The following SLC35B3 variants were observed in gnomAD, a reference collection of about 807,000 sequenced individuals.
The protein encoded by SLC35B3 is solute carrier family 35 member B3.
Under a neutral mutation model 44.1 loss-of-function variants are expected in SLC35B3, and 35 were observed. The observed-to-expected ratio is 0.79, with a 90% CI of 0.61 to 1.05. SLC35B3 has a LOEUF of 1.05. Ranked by LOEUF, SLC35B3 falls within the 50% of genes least tolerant of loss-of-function variation. The probability of loss-of-function intolerance (pLI) is 0.00; values close to 1 mark genes in which losing one functional copy is unlikely to be tolerated. For missense variants in SLC35B3, 414 were observed against 476.4 expected, an observed-to-expected ratio of 0.87 and a Z score of 1.22; for synonymous variants, 146 against 167.3, an observed-to-expected ratio of 0.87 and a Z score of 0.98.
chr6:8,414,929 A>C lies in SLC35B3; in HGVS notation c.1034T>G (p.Phe345Cys). Residue 345 changes from phenylalanine to cysteine, a missense_variant, in exon 10 of 11, where the codon TTT becomes TGT. Transcript: ENST00000644923. ...TTACTGAAACGTGAATGGTTTAGCA[A>C]AGAATATAAACGAAAGTACAATGGT... 6.2e-7 allele frequency: 1 copy of C among 1,605,252 alleles called. No homozygotes were observed. Among genetic ancestry groups the C allele is most frequent in the South Asian group, 1.1e-5 (1 of 89,908 alleles).
intron 5 of SLC35B3, among the ~76,000 whole-genome samples, chr6:8,421,216 A>G (rs1762861802): frequency 6.6e-6 from 1 of 152,212 alleles, no homozygotes; most frequent in Non-Finnish European, 1.5e-5. Flanking sequence ...AAGTAACCAG[A>G]TTAATGAGTC....
In SLC35B3 at chr6:8,413,421, A is replaced by C. The variant is rs1344958441; in HGVS notation, c.*128T>G. 2 of 780,220 alleles carry C rather than the reference A, an allele frequency of 2.6e-6. No homozygotes were observed. The highest frequency in any genetic ancestry group is 3.7e-5 in the African/African-American group (2 of 54,682). The allele number at this position is 780,220 out of a possible 1,614,324, so 48.3% of individuals were successfully genotyped here. A position where few individuals can be genotyped will look rare whatever the true frequency, so the allele number is the denominator to read the frequency against. On this transcript the variant is annotated 3_prime_UTR_variant, in exon 11 of 11. Coordinates refer to ENST00000644923, the MANE Select transcript of SLC35B3 (RefSeq NM_001370476.2). The stretch of plus-strand genomic sequence containing the variant: ...AAGGCTGACACCGCAAAACAACTTC[A>C]TATGAAATCTGTCCACAAATGGGAT...
At chr6:8,428,171 A>C (rs1486321924) in intron 3 of SLC35B3, 113 bp from the exon 3 acceptor site, 1 of 976,840 alleles carries the variant, frequency 1.0e-6, no homozygotes, top group African/African-American at 1.7e-5. Context: ...CTCCAACAAC[A>C]ACAAAATGTA....
chr6:8,423,023 T>C (rs904636458), intron 4 of SLC35B3, among the ~76,000 whole-genome samples: 6 of 152,166 alleles, frequency 3.9e-5, no homozygotes, highest in African/African-American at 1.2e-4. Context: ...GGTCTCGCTC[T>C]GTTGCCTAGG....
intron 9 of SLC35B3, 32 bp downstream of exon 8, chr6:8,416,852 T>C (rs1762454083): frequency 8.8e-7 from 1 of 1,142,220 alleles, no homozygotes; most frequent in Non-Finnish European, 1.3e-6. Flanking sequence ...TAAATGCTTA[T>C]TTTATAATCA....
rs766484022 is a variant in SLC35B3 at position 8,417,417 on chromosome 6, T to TA, written c.857dup (p.Thr287AsnfsTer33). The stretch of plus-strand genomic sequence containing the variant: ...TAGTGTTTACCTTTGCACAAAATGT[T>TA]ACTGCAGGGCCTAATCCACTAGTGC... On this transcript the variant is annotated frameshift_variant, in exon 8 of 11. Coordinates refer to ENST00000644923, the MANE Select transcript of SLC35B3 (RefSeq NM_001370476.2). LOFTEE classifies it high-confidence loss of function. 27 of 1,592,592 alleles carry TA rather than the reference T, an allele frequency of 1.7e-5. No homozygotes were observed. Among genetic ancestry groups the TA allele is most frequent in the Non-Finnish European group, 1.6e-5 (19 of 1,170,974 alleles).
Position 8,435,331 on chromosome 6 carries a change from A to G in SLC35B3, c.-44+12T>C. On this transcript the variant is annotated intron_variant, in intron 1 of 10. Coordinates refer to ENST00000644923, the MANE Select transcript of SLC35B3 (RefSeq NM_001370476.2). The surrounding 1 kb of genome is among the most constrained non-coding windows in gnomAD (Gnocchi z 5.5). ...GTCCCAAACACAGGAAAGGCCCCGAAGGCACGCGTACCCCAAGGCCGGTAT... is the reference window on the plus strand; with the variant it reads ...GTCCCAAACACAGGAAAGGCCCCGAGGGCACGCGTACCCCAAGGCCGGTAT... 7.8e-7 allele frequency: 1 copy of G among 1,289,276 alleles called. No individual in the cohort carries two copies. The highest frequency in any genetic ancestry group is 2.2e-4 in the Middle Eastern group (1 of 4,646). The allele number at this position is 1,289,276 out of a possible 1,614,324, so 79.9% of individuals were successfully genotyped here.
chr6:8,418,005 A>C (rs1006515795), intron 7 of SLC35B3, among the ~76,000 whole-genome samples: 1 of 152,106 alleles, frequency 6.6e-6, no homozygotes, highest in Non-Finnish European at 1.5e-5. Flanking sequence ...CAGCAAACCT[A>C]AATATCTGCT....
In SLC35B3 at chr6:8,427,993, G is replaced by A. The variant is rs1435063928; in HGVS notation, c.363C>T (p.Ala121=). 3 of 1,612,094 alleles carry A rather than the reference G, an allele frequency of 1.9e-6. No individual in the cohort carries two copies. In the East Asian group the frequency reaches 6.7e-5, roughly 36 times the overall value. ...CTATTAGGCCAAATATGGAGTAAAAGGCAAACTGCACTAAGGTAAGGTACC... is the reference window on the plus strand; with the variant it reads ...CTATTAGGCCAAATATGGAGTAAAAAGCAAACTGCACTAAGGTAAGGTACC... The change falls in exon 4 of 11, where the codon GCC becomes GCT. Residue 121 remains alanine (A), a synonymous_variant. Coordinates refer to ENST00000644923, the MANE Select transcript of SLC35B3 (RefSeq NM_001370476.2).
intron 4 of SLC35B3, among the ~76,000 whole-genome samples, chr6:8,426,505 T>C (rs1355604094): frequency 1.3e-5 from 2 of 152,086 alleles, no homozygotes; most frequent in African/African-American, 4.8e-5. Context: ...GATCTGATGG[T>C]TTTATCAGGG....
intron 4 of SLC35B3, among the ~76,000 whole-genome samples, chr6:8,427,261 A>G (rs141131538): frequency 6.6e-6 from 1 of 152,128 alleles, no homozygotes; most frequent in Admixed American, 6.5e-5. Context: ...CAATGGGGAA[A>G]ATGTCTCTAG....
intron 5 of SLC35B3, among the ~76,000 whole-genome samples, chr6:8,421,795 G>A (rs1284426282): frequency 1.3e-5 from 2 of 152,098 alleles, no homozygotes; most frequent in Admixed American, 1.3e-4. Flanking sequence ...GGAAGTGAAG[G>A]GTAGACCCCT....
intron 10 of SLC35B3, 70 bp downstream of exon 9, chr6:8,414,838 A>T: frequency 1.2e-6 from 1 of 801,630 alleles, no homozygotes; most frequent in Non-Finnish European, 1.9e-6. Flanking sequence ...AGTTGAAATT[A>T]AGATTAAGAG....
chr6:8,416,681 T>C (rs1762439625), intron 9 of SLC35B3, among the ~76,000 whole-genome samples: 1 of 152,154 alleles, frequency 6.6e-6, no homozygotes, highest in African/African-American at 2.4e-5. Flanking sequence ...GATTTTAAAA[T>C]TAAACCATCA....
rs769923765 is a variant in SLC35B3, at chr6:8,429,998, T to C, written c.163A>G (p.Met55Val). The C allele has an allele frequency of 6.8e-6, 11 of 1,613,866 alleles. No individual in the cohort carries two copies. The highest frequency in any genetic ancestry group is 6.7e-5 in the Admixed American group (4 of 59,956). ...TCAACTGACTTGATGTGTGGTGACA[T>C]TGTTTGGGTTTTGGATGGCACAGTG... is the stretch of plus-strand genomic sequence containing the variant. Residue 55 changes from methionine (M) to valine (V), a missense_variant, in exon 3 of 11, where the codon ATG becomes GTG. Coordinates refer to ENST00000644923, the MANE Select transcript of SLC35B3 (RefSeq NM_001370476.2).
At chr6:8,416,779 T>C (rs1762447426) in intron 9 of SLC35B3, 105 bp downstream of exon 8, 2 of 492,792 alleles carry the variant, frequency 4.1e-6, no homozygotes, top group South Asian at 9.7e-5. Context: ...AATATGATAA[T>C]TTTCTTTTTA....
At position 8,430,161 on chromosome 6, in the gene SLC35B3, G is replaced by A. The variant is rs771913817; in HGVS notation, c.4-4C>T. ...CTTTTGCTTGCTGTGTCAAGTCCTA[G>A]AGAAGGAAATAAGCAATTAAAACAT... is the stretch of plus-strand genomic sequence containing the variant. On this transcript the variant is annotated splice_region_variant and splice_polypyrimidine_tract_variant and intron_variant, in intron 2 of 10. Coordinates refer to ENST00000644923, the MANE Select transcript of SLC35B3 (RefSeq NM_001370476.2). 1 of 1,547,952 alleles carries A rather than the reference G, an allele frequency of 6.5e-7. No individual in the cohort carries two copies. The highest frequency in any genetic ancestry group is 2.1e-5 in the Admixed American group (1 of 46,684).
In SLC35B3 at chr6:8,416,890, C is replaced by T; in HGVS notation, c.979G>A (p.Val327Ile). ...GCAAGTAAATCCCTCCTACCTGTTA[C>T]AGCAATAAGTGCACCAAAAATTTTA... is the stretch of plus-strand genomic sequence containing the variant. The change falls in exon 9 of 11, where the codon GTA (valine) becomes ATA (isoleucine). Residue 327 changes from valine to isoleucine, a missense_variant. Coordinates refer to ENST00000644923, the MANE Select transcript of SLC35B3 (RefSeq NM_001370476.2). The T allele has an allele frequency of 2.6e-5, 39 of 1,527,336 alleles. No individual in the cohort carries two copies. The highest frequency in any genetic ancestry group is 3.5e-5 in the Non-Finnish European group (39 of 1,117,220). The allele number at this position is 1,527,336 out of a possible 1,614,324, so 94.6% of individuals were successfully genotyped here.
Position 8,420,860 on chromosome 6 carries a change from A to G in SLC35B3, c.575-32T>C. 6.6e-7 allele frequency: 1 copy of G among 1,509,362 alleles called. No homozygotes were observed. The highest frequency in any genetic ancestry group is 2.3e-5 in the East Asian group (1 of 43,940). 93.5% of individuals were successfully genotyped at this position (1,509,362 alleles called of 1,614,324 possible). A position where few individuals can be genotyped will look rare whatever the true frequency, so the allele number is the denominator to read the frequency against. On this transcript the variant is annotated intron_variant, in intron 5 of 10. Coordinates refer to ENST00000644923, the MANE Select transcript of SLC35B3 (RefSeq NM_001370476.2). The surrounding 1 kb of genome is among the most constrained non-coding windows in gnomAD (Gnocchi z 4.4). ...AAAACAAACGTAAGTCCACTTCATT[A>G]TGCAAATACCCACCCAGCTTTATAT... is the stretch of plus-strand genomic sequence containing the variant.
Sources: allele counts gnomAD v4.1 joint callset (sites outside exome capture counted in the v4.1 genomes callset), GRCh38; gene constraint gnomAD v4.1.1; non-coding constraint Gnocchi (gnomAD v3.1); transcripts MANE v1.5; gene names NCBI Gene and HGNC (gene_info 2026-07-23, HGNC 2026-07-21).